CHCHD6: variants seen among roughly 807,000 people sequenced by gnomAD.
CHCHD6 encodes the protein MICOS complex subunit MIC25.
In CHCHD6, 28 loss-of-function variants were observed where a neutral mutation model predicts 32.3. The observed-to-expected ratio is 0.87, with a 90% CI of 0.64 to 1.19. The LOEUF (loss-of-function observed/expected upper bound fraction) is 1.19. CHCHD6 is among the 50% of genes most tolerant of loss of function. The pLI, the probability that CHCHD6 is intolerant of heterozygous loss-of-function variation, is 0.00. For synonymous variants in CHCHD6, 122 were observed against 117.5 expected, an observed-to-expected ratio of 1.04 and a Z score of -0.25; for missense variants, 333 against 307.0, an observed-to-expected ratio of 1.08 and a Z score of -0.63.
intron 6 of CHCHD6, chr3:126,952,882 A>G: frequency 1.3e-6 from 1 of 754,982 alleles, no homozygotes; most frequent in Non-Finnish European, 1.6e-6. Context: ...GGGCTCTGGG[A>G]GTCAGGCAGA....
intron 4 of CHCHD6, among the ~76,000 whole-genome samples, chr3:126,826,357 T>C (rs776262733): frequency 8.0e-4 from 122 of 152,188 alleles, no homozygotes; most frequent in Non-Finnish European, 1.4e-3. Context: ...AATACAGTCA[T>C]GTGTGGATTG....
chr3:126,912,593 G>C lies in CHCHD6; in HGVS notation c.496-2087G>C, dbSNP rs146361576. ...CCTTGGCTCAGAAGTGAGGAGCAGC[G>C]AGGTGACTTGCCTAAGCTCACCAGG... On this transcript the variant is annotated intron_variant, in intron 5 of 7. Coordinates refer to ENST00000290913, the MANE Select transcript of CHCHD6 (RefSeq NM_032343.3). 3.9e-5 allele frequency among the ~76,000 whole-genome samples: 6 copies of C among 152,334 alleles called. No individual in the cohort carries two copies. In the East Asian group the frequency reaches 1.2e-3, roughly 29 times the overall value.
intron 5 of CHCHD6, among the ~76,000 whole-genome samples, chr3:126,870,766 G>A (rs2077457029): frequency 6.6e-6 from 1 of 152,184 alleles, no homozygotes. Flanking sequence ...TGACAACATG[G>A]GTCTGGCCTG....
intron 4 of CHCHD6, among the ~76,000 whole-genome samples, chr3:126,741,191 C>T (rs909851074): frequency 1.3e-5 from 2 of 152,182 alleles, no homozygotes; most frequent in African/African-American, 4.8e-5. Context: ...GTGGTTCCTT[C>T]GTGTTTCTAT....
intron 2 of CHCHD6, among the ~76,000 whole-genome samples, chr3:126,728,718 C>G (rs183104128): frequency 6.6e-6 from 1 of 152,308 alleles, no homozygotes; most frequent in African/African-American, 2.4e-5. Flanking sequence ...ATATATAATA[C>G]TACACATCAG....
chr3:126,718,506 A>G (rs758016397), intron 1 of CHCHD6, among the ~76,000 whole-genome samples: 1 of 152,192 alleles, frequency 6.6e-6, no homozygotes, highest in Non-Finnish European at 1.5e-5. Flanking sequence ...CTTAGCTGGG[A>G]TTCAAACCTG....
chr3:126,849,461 G>A (rs1011847346), intron 4 of CHCHD6, among the ~76,000 whole-genome samples: 2 of 152,236 alleles, frequency 1.3e-5, no homozygotes, highest in Non-Finnish European at 2.9e-5. Context: ...AGGCATCAAA[G>A]TGTGAACTCA....
chr3:126,945,713 A>C (rs540540616), intron 6 of CHCHD6, among the ~76,000 whole-genome samples: 4 of 107,520 alleles, frequency 3.7e-5, no homozygotes, highest in Non-Finnish European at 7.4e-5. Context: ...AGACTCGGGG[A>C]GACTCGAGTA....
At chr3:126,872,697 A>G (rs758490574) in intron 5 of CHCHD6, among the ~76,000 whole-genome samples, 1 of 152,132 alleles carries the variant, frequency 6.6e-6, no homozygotes, top group Non-Finnish European at 1.5e-5. Flanking sequence ...TCTCTCCTGG[A>G]CTGGTCTCAG....
chr3:126,766,556 C>G, intron 4 of CHCHD6: 1 of 1,113,866 alleles, frequency 9.0e-7, no homozygotes. Context: ...AAAATGCCAT[C>G]CAGAGTCTTC....
chr3:126,714,605 G>T (rs2107651385), intron 1 of CHCHD6, among the ~76,000 whole-genome samples: 1 of 152,262 alleles, frequency 6.6e-6, no homozygotes, highest in African/African-American at 2.4e-5. Flanking sequence ...GAGCCTCCTG[G>T]AAGCCTGTCC....
In CHCHD6 at chr3:126,779,912, G is replaced by A. The variant is rs73201787; in HGVS notation, c.411+46690G>A. On this transcript the variant is annotated intron_variant, in intron 4 of 7. Transcript: ENST00000290913. Reference sequence around the variant, plus strand: ...TATCTTTACTTCTCTTTAGCATCCAGCTCAGTATCTACTATATACTGGTCT... The same window carrying A: ...TATCTTTACTTCTCTTTAGCATCCAACTCAGTATCTACTATATACTGGTCT... Among the ~76,000 whole-genome samples, 1,222 of 152,262 alleles carry A rather than the reference G, an allele frequency of 8.0e-3. 8 individuals carry two copies. The highest frequency in any genetic ancestry group is 0.014 in the Middle Eastern group (4 of 294).
At chr3:126,812,289 C>T (rs1468799572) in intron 4 of CHCHD6, among the ~76,000 whole-genome samples, 10 of 149,232 alleles carry the variant, frequency 6.7e-5, no homozygotes, top group Non-Finnish European at 1.5e-5. Context: ...TCTCTGTGGC[C>T]TGATCAGAGT....
intron 6 of CHCHD6, among the ~76,000 whole-genome samples, chr3:126,938,400 C>T (rs546856667): frequency 6.6e-6 from 1 of 152,302 alleles, no homozygotes; most frequent in East Asian, 1.9e-4. Flanking sequence ...GAGAACAAGG[C>T]AATGAGCTGG....
At chr3:126,921,491 T>G (rs1312534550) in intron 6 of CHCHD6, among the ~76,000 whole-genome samples, 1 of 130,160 alleles carries the variant, frequency 7.7e-6, no homozygotes, top group Non-Finnish European at 1.7e-5. Context: ...GTCACATCTA[T>G]TTTTTATGAC....
chr3:126,889,853 G>A (rs2077731545), intron 5 of CHCHD6, among the ~76,000 whole-genome samples: 1 of 152,254 alleles, frequency 6.6e-6, no homozygotes, highest in Non-Finnish European at 1.5e-5. Flanking sequence ...TCTCTGACCA[G>A]GTCCGCAGAA....
chr3:126,942,090 G>T (rs1368443661), intron 6 of CHCHD6, among the ~76,000 whole-genome samples: 5 of 151,948 alleles, frequency 3.3e-5, no homozygotes, highest in African/African-American at 1.2e-4. Context: ...TGGCCCACCT[G>T]GTGTTTCCTC....
intron 5 of CHCHD6, among the ~76,000 whole-genome samples, chr3:126,857,782 A>G (rs1374277848): frequency 6.6e-6 from 1 of 152,264 alleles, no homozygotes; most frequent in Non-Finnish European, 1.5e-5. Context: ...GAATGGCCAA[A>G]GTGGAAAAGA....
chr3:126,858,604 CTG>C (rs1026653963), intron 5 of CHCHD6, among the ~76,000 whole-genome samples: 2 of 152,196 alleles, frequency 1.3e-5, no homozygotes, highest in Non-Finnish European at 2.9e-5. Context: ...CCAGGCCCAC[CTG>C]TGTTTGCCTC....
Sources: gnomAD v4.1 joint callset for allele counts (sites outside exome capture counted in the v4.1 genomes callset) on GRCh38, gnomAD v4.1.1 for gene constraint, MANE v1.5 for transcripts, NCBI Gene and HGNC (gene_info 2026-07-23, HGNC 2026-07-21) for gene names.